DNAL1: variants seen among roughly 807,000 people sequenced by gnomAD.
DNAL1 encodes the protein dynein axonemal light chain 1, also known as chromosome 14 open reading frame 168.
A neutral mutation model predicts 29.4 loss-of-function variants in DNAL1; 17 were observed. The ratio of observed to expected loss-of-function variants is 0.58; its 90% CI spans 0.40 to 0.87. DNAL1 has a LOEUF of 0.87. DNAL1 is among the 40% of genes least tolerant of loss of function. DNAL1 has a pLI of 0.00. For synonymous variants in DNAL1, 78 were observed against 76.3 expected (o/e 1.02, Z -0.12); for missense variants, 188 against 214.1 (o/e 0.88, Z 0.76).
chr14:73,688,193 A>C (rs1246690484), intron 6 of DNAL1, among the ~76,000 whole-genome samples: 3 of 152,178 alleles, frequency 2.0e-5, no homozygotes, highest in East Asian at 1.9e-4. Context: ...TAATTCATTC[A>C]GTTATATGCG....
intron 7 of DNAL1, among the ~76,000 whole-genome samples, chr14:73,695,150 G>A (rs566513760): frequency 2.1e-5 from 3 of 141,618 alleles, no homozygotes; most frequent in Admixed American, 1.5e-4. Context: ...GGACATCCCA[G>A]GCTCAAGTGA....
intron 1 of DNAL1, chr14:73,651,088 A>G (rs1350710131): frequency 6.6e-6 from 1 of 152,198 alleles, no homozygotes; most frequent in South Asian, 2.1e-4. Context: ...GGGATAATCT[A>G]TTCTTGATCA....
intron 3 of DNAL1, chr14:73,659,552 A>G (rs1891297271): frequency 6.6e-6 from 1 of 152,102 alleles, no homozygotes; most frequent in Admixed American, 6.6e-5. Context: ...AACACAATAA[A>G]CTATATATTT....
chr14:73,692,899 C>T (rs1393462804), intron 7 of DNAL1, among the ~76,000 whole-genome samples: 6 of 151,222 alleles, frequency 4.0e-5, no homozygotes, highest in South Asian at 2.1e-4. Flanking sequence ...TGCAGTGGCG[C>T]GATCTCAGCT....
chr14:73,694,650 T>G (rs1403907370), intron 7 of DNAL1, among the ~76,000 whole-genome samples: 1 of 152,094 alleles, frequency 6.6e-6, no homozygotes, highest in African/African-American at 2.4e-5. Flanking sequence ...CACATTTTAT[T>G]GTGGGAAATG....
rs1163145959 is a variant in DNAL1, at chr14:73,701,776, G to C, written c.*5834G>C. On this transcript the variant is annotated 3_prime_UTR_variant, in exon 8 of 8. Coordinates refer to ENST00000553645, the MANE Select transcript of DNAL1 (RefSeq NM_031427.4). ...CTTCTAGAACCAACTCCATTCTGAA[G>C]AACATTTTAACATCTATGAATACCT... 6.6e-6 allele frequency: 1 copy of C among 152,124 alleles called. No individual in the cohort carries two copies. The highest frequency in any genetic ancestry group is 6.5e-5 in the Admixed American group (1 of 15,278). 9.4% of individuals were successfully genotyped at this position (152,124 alleles called of 1,614,324 possible).
At chr14:73,650,190 A>T (rs1015601000) in intron 1 of DNAL1, among the ~76,000 whole-genome samples, 1 of 152,110 alleles carries the variant, frequency 6.6e-6, no homozygotes, top group South Asian at 2.1e-4. Context: ...GGGTGTCACT[A>T]TATTGTCCAG....
At chr14:73,675,991 G>A (rs2140046635) in intron 5 of DNAL1, among the ~76,000 whole-genome samples, 1 of 152,176 alleles carries the variant, frequency 6.6e-6, no homozygotes, top group East Asian at 1.9e-4. Flanking sequence ...TCCAGCCTGG[G>A]CAACAGAGTG....
Position 73,658,926 on chromosome 14 carries a change from A to G in DNAL1, c.122A>G (p.Asp41Gly). The change falls in exon 3 of 8, where the codon GAT becomes GGT. Residue 41 changes from aspartate (D) to glycine (G), a missense_variant. By Grantham distance (94) the Asp-to-Gly change is moderately conservative. Transcript: ENST00000553645. The part of the protein sequence containing the change: ...YAQIPPIEKM[D>G]ASLSMLANCE... The stretch of plus-strand genomic sequence containing the variant: ...CAGATTCCCCCTATAGAGAAGATGG[A>G]TGCATCCTTGTCCATGCTTGCTAAT... 1 of 1,556,982 alleles carries G rather than the reference A, an allele frequency of 6.4e-7. No homozygotes were observed. The highest frequency in any genetic ancestry group is 8.7e-7 in the Non-Finnish European group (1 of 1,150,910).
chr14:73,699,497 C>CGTT lies in DNAL1; in HGVS notation c.*3556_*3558dup, dbSNP rs397953948. The CGTT allele has an allele frequency of 0.15, 23,146 of 151,802 alleles. 2,850 individuals carry two copies. The highest frequency in any genetic ancestry group is 0.67 in the East Asian group (3,434 of 5,124). The allele number at this position is 151,802 out of a possible 1,614,324, so 9.4% of individuals were successfully genotyped here. ...ATTTTTGTATTTTTAGTACAGACGG[C>CGTT]GTTTCACCATATTGGCCAGGCTGGT... On this transcript the variant is annotated 3_prime_UTR_variant, in exon 8 of 8. Transcript: ENST00000553645.
chr14:73,653,729 C>T (rs1312040926), intron 1 of DNAL1, among the ~76,000 whole-genome samples: 1 of 152,102 alleles, frequency 6.6e-6, no homozygotes, highest in Non-Finnish European at 1.5e-5. Context: ...CTTTCAGGTT[C>T]ACATTTGTTC....
chr14:73,657,177 A>C (rs1166904307), intron 2 of DNAL1, among the ~76,000 whole-genome samples: 1 of 152,134 alleles, frequency 6.6e-6, no homozygotes, highest in Non-Finnish European at 1.5e-5. Flanking sequence ...TAGGAAAACA[A>C]AGGAAATGGC....
intron 7 of DNAL1, 134 bp downstream of exon 7, chr14:73,689,649 T>TTGAA: frequency 7.3e-7 from 1 of 1,360,670 alleles, no homozygotes; most frequent in Non-Finnish European, 1.0e-6. Flanking sequence ...CTATGTAAAA[T>TTGAA]TGAATGGTCT....
intron 5 of DNAL1, among the ~76,000 whole-genome samples, chr14:73,681,784 G>GA (rs1456321860): frequency 6.7e-6 from 1 of 150,214 alleles, no homozygotes; most frequent in African/African-American, 2.5e-5. Flanking sequence ...AACAGAGCAA[G>GA]ACGCTGCCTC....
Position 73,669,893 on chromosome 14 carries a change from A to G in DNAL1, c.209-1649A>G, listed in dbSNP as rs139385279. The stretch of plus-strand genomic sequence containing the variant: ...GTGTGAATTAGACCACTCTTAAAAT[A>G]CCTTGCTCTAAAAGCTCATTGTTTC... On this transcript the variant is annotated intron_variant, in intron 4 of 7. Transcript: ENST00000553645. 2.0e-4 allele frequency among the ~76,000 whole-genome samples: 31 copies of G among 152,282 alleles called. No homozygotes were observed. In the East Asian group the frequency reaches 4.6e-3, roughly 23 times the overall value.
Position 73,671,593 on chromosome 14 carries a change from G to T in DNAL1, c.260G>T (p.Gly87Val). ...LGRNNIKNLN[G>V]LEAVGDTLEE... ...AGAAACAACATAAAGAACTTAAATG[G>T]ACTGGTAGGTTGTTATTTATTATTA... The change falls in exon 5 of 8, where the codon GGA becomes GTA. Residue 87 changes from glycine to valine, a missense_variant. Physicochemically the swap from Gly to Val is moderately radical, Grantham distance 109. Coordinates refer to ENST00000553645, the MANE Select transcript of DNAL1 (RefSeq NM_031427.4). 1.4e-6 allele frequency: 2 copies of T among 1,474,858 alleles called. No homozygotes were observed. Among genetic ancestry groups the T allele is most frequent in the South Asian group, 1.5e-5 (1 of 68,520 alleles). The allele number at this position is 1,474,858 out of a possible 1,614,324, so 91.4% of individuals were successfully genotyped here.
intron 2 of DNAL1, among the ~76,000 whole-genome samples, chr14:73,656,112 T>G (rs1891210929): frequency 6.6e-6 from 1 of 152,156 alleles, no homozygotes; most frequent in African/African-American, 2.4e-5. Flanking sequence ...GTAAGTAGGC[T>G]TTGAATAAAA....
chr14:73,670,214 A>G (rs556198022), intron 4 of DNAL1, among the ~76,000 whole-genome samples: 6 of 152,346 alleles, frequency 3.9e-5, no homozygotes, highest in Middle Eastern at 3.4e-3. Context: ...CTTACCATTC[A>G]ATTATGGATG....
rs562352050 is a variant in DNAL1, at chr14:73,702,355, G to A, written c.*6413G>A. 6.6e-6 allele frequency: 1 copy of A among 152,230 alleles called. No homozygotes were observed. The highest frequency in any genetic ancestry group is 2.1e-4 in the South Asian group (1 of 4,818). The allele number at this position is 152,230 out of a possible 1,614,324, so 9.4% of individuals were successfully genotyped here. A position where few individuals can be genotyped will look rare whatever the true frequency, so the allele number is the denominator to read the frequency against. ...AAGTTTCACCATGCTGGCCAGGTTGGTCTCGAACTCTTGACCTCGTGATCT... is the reference window on the plus strand; with the variant it reads ...AAGTTTCACCATGCTGGCCAGGTTGATCTCGAACTCTTGACCTCGTGATCT... On this transcript the variant is annotated 3_prime_UTR_variant, in exon 8 of 8. Coordinates refer to ENST00000553645, the MANE Select transcript of DNAL1 (RefSeq NM_031427.4).
Sources: allele counts gnomAD v4.1 joint callset (sites outside exome capture counted in the v4.1 genomes callset), GRCh38; gene constraint gnomAD v4.1.1; transcripts MANE v1.5; gene names NCBI Gene and HGNC (gene_info 2026-07-23, HGNC 2026-07-21).